Variants in ANGPT1 observed in about 807,000 individuals in gnomAD.
ANGPT1 encodes angiopoietin 1.
ANGPT1 carries 17 observed loss-of-function variants against 62.2 expected under a neutral mutation model. That is an observed-to-expected ratio of 0.27 (90% CI 0.19 to 0.41). ANGPT1 has a LOEUF of 0.41. Ranked by LOEUF, ANGPT1 falls within the 10% of genes least tolerant of loss-of-function variation. ANGPT1 has a pLI of 1.00. For synonymous variants in ANGPT1, 199 were observed against 198.9 expected (o/e 1.00, Z 0.00); for missense variants, 478 against 594.9 (o/e 0.80, Z 2.04).
At chr8:107,420,176 G>T (rs1400208819) in intron 1 of ANGPT1, among the ~76,000 whole-genome samples, 1 of 152,012 alleles carries the variant, frequency 6.6e-6, no homozygotes, top group Non-Finnish European at 1.5e-5. Context: ...TATCTGACTT[G>T]CAACCTGAAA....
At position 107,284,730 on chromosome 8, in the gene ANGPT1, T is replaced by C; in HGVS notation, c.1157A>G (p.Tyr386Cys). 1.2e-6 allele frequency: 2 copies of C among 1,609,190 alleles called. No homozygotes were observed. The highest frequency in any genetic ancestry group is 1.7e-6 in the Non-Finnish European group (2 of 1,176,810). Reference sequence around the variant, plus strand: ...TATGTGGAATCTGTCATACTGTGAATAGGCTCGGTTCCCTTCCCAGTCCAT... The same window carrying C: ...TATGTGGAATCTGTCATACTGTGAACAGGCTCGGTTCCCTTCCCAGTCCAT... ...ELMDWEGNRA[Y>C]SQYDRFHIGN... Residue 386 changes from tyrosine (Y) to cysteine (C), a missense_variant, in exon 7 of 9, where the codon TAT (tyrosine) becomes TGT (cysteine). Coordinates refer to ENST00000517746, the MANE Select transcript of ANGPT1 (RefSeq NM_001146.5).
At chr8:107,296,583 A>AGGT (rs1814422642) in intron 5 of ANGPT1, among the ~76,000 whole-genome samples, 1 of 152,228 alleles carries the variant, frequency 6.6e-6, no homozygotes, top group Admixed American at 6.6e-5. Flanking sequence ...AAGAGGGCAT[A>AGGT]GGTGGTGATT....
At chr8:107,444,877 AC>A (rs1240643807) in intron 1 of ANGPT1, among the ~76,000 whole-genome samples, 1 of 152,204 alleles carries the variant, frequency 6.6e-6, no homozygotes, top group Admixed American at 6.5e-5. Context: ...AGACCAAACA[AC>A]AAACCAAAAA....
intron 1 of ANGPT1, among the ~76,000 whole-genome samples, chr8:107,397,381 A>G (rs1251558700): frequency 1.3e-5 from 2 of 152,144 alleles, no homozygotes; most frequent in Non-Finnish European, 1.5e-5. Flanking sequence ...TTTGACTCAT[A>G]CAAATATTTC....
At chr8:107,419,606 GT>G (rs970734555) in intron 1 of ANGPT1, among the ~76,000 whole-genome samples, 20 of 152,084 alleles carry the variant, frequency 1.3e-4, no homozygotes, top group Admixed American at 3.9e-4. Flanking sequence ...AAGTAAATTT[GT>G]ATGCTTTTCT....
intron 1 of ANGPT1, among the ~76,000 whole-genome samples, chr8:107,436,267 C>A (rs1020312541): frequency 2.0e-5 from 3 of 152,154 alleles, no homozygotes; most frequent in African/African-American, 7.2e-5. Flanking sequence ...TTCTTCAAGG[C>A]CACACAGTAT....
intron 1 of ANGPT1, among the ~76,000 whole-genome samples, chr8:107,470,077 A>C (rs1812309639): frequency 6.6e-6 from 1 of 152,108 alleles, no homozygotes; most frequent in East Asian, 1.9e-4. Flanking sequence ...GAGGCATCAA[A>C]ACCATATCCA....
chr8:107,473,708 A>T (rs1447398600), intron 1 of ANGPT1, among the ~76,000 whole-genome samples: 1 of 152,072 alleles, frequency 6.6e-6, no homozygotes, highest in African/African-American at 2.4e-5. Context: ...GGAACAGTGC[A>T]GTGTATATCC....
chr8:107,384,793 T>C (rs1372109032), intron 1 of ANGPT1, among the ~76,000 whole-genome samples: 1 of 152,182 alleles, frequency 6.6e-6, no homozygotes, highest in Non-Finnish European at 1.5e-5. Flanking sequence ...AGTTGATTTT[T>C]GTATAAGGTG....
chr8:107,343,298 C>CTTCAGA (rs1188238010), intron 2 of ANGPT1, among the ~76,000 whole-genome samples: 1 of 152,104 alleles, frequency 6.6e-6, no homozygotes, highest in Non-Finnish European at 1.5e-5. Flanking sequence ...TTTGGAGAGG[C>CTTCAGA]TTCAGACCGG....
chr8:107,474,933 G>C (rs1268082715), intron 1 of ANGPT1, among the ~76,000 whole-genome samples: 1 of 152,172 alleles, frequency 6.6e-6, no homozygotes, highest in East Asian at 1.9e-4. Context: ...TGAAATAAAA[G>C]AGGACACAAA....
chr8:107,465,254 A>C (rs546585936), intron 1 of ANGPT1, among the ~76,000 whole-genome samples: 1 of 152,170 alleles, frequency 6.6e-6, no homozygotes, highest in Non-Finnish European at 1.5e-5. Context: ...AATATCCATT[A>C]AAAAACAAAT....
At chr8:107,454,276 G>A (rs1279234724) in intron 1 of ANGPT1, among the ~76,000 whole-genome samples, 1 of 152,088 alleles carries the variant, frequency 6.6e-6, no homozygotes, top group African/African-American at 2.4e-5. Flanking sequence ...TTAAGAGGGA[G>A]TTGTGTAGGG....
chr8:107,390,054 T>C (rs1219462854), intron 1 of ANGPT1, among the ~76,000 whole-genome samples: 1 of 152,174 alleles, frequency 6.6e-6, no homozygotes, highest in Non-Finnish European at 1.5e-5. Context: ...CCTGTAAATC[T>C]AAACTCAATA....
At chr8:107,430,921 C>T (rs903974668) in intron 1 of ANGPT1, among the ~76,000 whole-genome samples, 7 of 152,112 alleles carry the variant, frequency 4.6e-5, no homozygotes, top group African/African-American at 1.4e-4. Flanking sequence ...TCTGATGAAC[C>T]TCTTGGTATC....
rs866294056 is a variant in ANGPT1 at position 107,301,021 on chromosome 8, C to G, written c.936+2219G>C. On this transcript the variant is annotated intron_variant, in intron 5 of 8. Transcript: ENST00000517746. ...AGTGGTTCTGCAAATAGCCTGTGCA[C>G]CATTTGCATCTCATAATGTTTCAAA... Among the ~76,000 whole-genome samples, 6 of 151,954 alleles carry G rather than the reference C, an allele frequency of 3.9e-5. No individual in the cohort carries two copies. The South Asian group carries it at 1.2e-3, about 32-fold the overall frequency.
intron 1 of ANGPT1, among the ~76,000 whole-genome samples, chr8:107,455,842 C>T (rs1040498509): frequency 6.6e-6 from 1 of 151,914 alleles, no homozygotes; most frequent in African/African-American, 2.4e-5. Flanking sequence ...GAAGAACCTC[C>T]CTCCTCATTA....
At position 107,487,284 on chromosome 8, in the gene ANGPT1, G is replaced by A. The variant is rs138513840; in HGVS notation, c.297+9978C>T. Among the ~76,000 whole-genome samples, 18 of 152,206 alleles carry A rather than the reference G, an allele frequency of 1.2e-4. No homozygotes were observed. The East Asian group carries it at 3.3e-3, about 28-fold the overall frequency. ...GAGAAATAAAAAGGAGAGACAGGCC[G>A]GGAGGTCCCTTTGAATCTTTTTGTC... is the stretch of plus-strand genomic sequence containing the variant. On this transcript the variant is annotated intron_variant, in intron 1 of 8. Transcript: ENST00000517746.
At chr8:107,398,953 G>A (rs1263403270) in intron 1 of ANGPT1, among the ~76,000 whole-genome samples, 1 of 152,114 alleles carries the variant, frequency 6.6e-6, no homozygotes, top group African/African-American at 2.4e-5. Context: ...AAATTAGGGT[G>A]TAAGAAGTTC....
Sources: allele counts gnomAD v4.1 joint callset (sites outside exome capture counted in the v4.1 genomes callset), GRCh38; gene constraint gnomAD v4.1.1; transcripts MANE v1.5; gene names NCBI Gene and HGNC (gene_info 2026-07-23, HGNC 2026-07-21).